SPATA22: variants seen among roughly 807,000 people sequenced by gnomAD.
SPATA22 encodes the protein spermatogenesis associated 22.
A neutral mutation model predicts 47.8 loss-of-function variants in SPATA22; 29 were observed. The ratio of observed to expected loss-of-function variants is 0.61; its 90% CI spans 0.45 to 0.83. The LOEUF (loss-of-function observed/expected upper bound fraction) is 0.83. Ranked by LOEUF, SPATA22 falls within the 40% of genes least tolerant of loss-of-function variation. The pLI is 0.00. For missense variants in SPATA22, 410 were observed against 421.7 expected, an observed-to-expected ratio of 0.97 and a Z score of 0.24; for synonymous variants, 133 against 140.9, an observed-to-expected ratio of 0.94 and a Z score of 0.40.
rs369335235 is a variant in SPATA22, at chr17:3,490,879, G to A, written c.-73-21481C>T. On this transcript the variant is annotated intron_variant, in intron 1 of 8. Transcript: ENST00000541913. The surrounding 1 kb of genome is among the most constrained non-coding windows in gnomAD (Gnocchi z 4.6). ...CCCCACCCCTTAACCCCTTATCTCTGCTTCAACCAGAGCTCTTCTGTGTAA... is the reference window on the plus strand; with the variant it reads ...CCCCACCCCTTAACCCCTTATCTCTACTTCAACCAGAGCTCTTCTGTGTAA... Among the ~76,000 whole-genome samples, 49 of 152,234 alleles carry A rather than the reference G, an allele frequency of 3.2e-4. No homozygotes were observed. In the South Asian group the frequency reaches 9.9e-3, roughly 31 times the overall value.
At chr17:3,466,044 A>T (rs114578342) in intron 3 of SPATA22, among the ~76,000 whole-genome samples, 2,987 of 151,984 alleles carry the variant, frequency 0.02, 76 homozygotes, top group African/African-American at 0.06. Flanking sequence ...ATGTGAATTT[A>T]TGATTTTTAT....
chr17:3,445,745 TA>T, intron 7 of SPATA22, among the ~76,000 whole-genome samples: 1 of 152,244 alleles, frequency 6.6e-6, no homozygotes, highest in South Asian at 2.1e-4. Context: ...AGGTGAAAGT[TA>T]AACATGTGAA....
In SPATA22 at chr17:3,477,483, C is replaced by T. The variant is rs562263818; in HGVS notation, c.-73-8085G>A. Among the ~76,000 whole-genome samples, 36 of 152,116 alleles carry T rather than the reference C, an allele frequency of 2.4e-4. 1 individual carries two copies. In the East Asian group the frequency reaches 2.9e-3, roughly 12 times the overall value. ...TCTTTCTCTTTTTGAGATGGAGTTT[C>T]GCTCTTGTTGCCCAGTCTGGAGTGC... is the stretch of plus-strand genomic sequence containing the variant. On this transcript the variant is annotated intron_variant, in intron 1 of 8. Coordinates refer to the SPATA22 transcript ENST00000541913.
chr17:3,481,600 C>T, intron 1 of SPATA22: 4 of 1,612,468 alleles, frequency 2.5e-6, no homozygotes, highest in Non-Finnish European at 2.5e-6. Flanking sequence ...CTGCTTATAA[C>T]AGCAAAAAAA....
intron 5 of SPATA22, 127 bp downstream of exon 5, chr17:3,462,352 TGTTA>T: frequency 1.6e-6 from 1 of 635,282 alleles, no homozygotes; most frequent in Middle Eastern, 3.8e-4. Context: ...CTGCCATAGT[TGTTA>T]TTTATAGAAA....
chr17:3,486,280 C>T (rs2073720195), intron 1 of SPATA22, among the ~76,000 whole-genome samples: 1 of 152,196 alleles, frequency 6.6e-6, no homozygotes, highest in African/African-American at 2.4e-5. Context: ...GTGCCCTTTG[C>T]TCCAGGGAAG....
intron 1 of SPATA22, among the ~76,000 whole-genome samples, chr17:3,489,881 CA>C (rs1567615000): frequency 6.6e-6 from 1 of 152,134 alleles, no homozygotes; most frequent in Non-Finnish European, 1.5e-5. Context: ...CAAGCACAAG[CA>C]ACATGTTGTT....
At chr17:3,449,194 T>C (rs1047903514) in intron 5 of SPATA22, 45 bp from the exon 6 acceptor site, 1 of 1,357,970 alleles carries the variant, frequency 7.4e-7, no homozygotes, top group Non-Finnish European at 1.0e-6. Flanking sequence ...TATGGTTTCT[T>C]AATTACAAAA....
upstream of SPATA22, chr17:3,472,212 C>T: frequency 6.6e-6 from 1 of 152,416 alleles, no homozygotes; most frequent in East Asian, 1.9e-4. Context: ...ATTTCTGGGT[C>T]GGATCAGGGT....
At chr17:3,506,208 A>C (rs950473172) in intron 1 of SPATA22, among the ~76,000 whole-genome samples, 1 of 152,206 alleles carries the variant, frequency 6.6e-6, no homozygotes, top group Non-Finnish European at 1.5e-5. Flanking sequence ...AACACCTACC[A>C]AGCCGATGAC....
chr17:3,452,697 G>A (rs926931396), intron 5 of SPATA22, among the ~76,000 whole-genome samples: 4 of 152,020 alleles, frequency 2.6e-5, no homozygotes, highest in African/African-American at 9.7e-5. Context: ...ATAAATGAAA[G>A]AGGAGACATA....
chr17:3,493,862 G>A (rs190496198), intron 1 of SPATA22, among the ~76,000 whole-genome samples: 2 of 152,198 alleles, frequency 1.3e-5, no homozygotes, highest in African/African-American at 4.8e-5. Flanking sequence ...GGCCGTCGGC[G>A]TGTTTGTGGA....
chr17:3,482,690 GATT>G (rs1481028894), intron 1 of SPATA22, among the ~76,000 whole-genome samples: 1 of 152,018 alleles, frequency 6.6e-6, no homozygotes, highest in African/African-American at 2.4e-5. Context: ...CTATAGTAAA[GATT>G]ATTATTTTTG....
intron 6 of SPATA22, among the ~76,000 whole-genome samples, chr17:3,446,976 A>C (rs374339955): frequency 4.9e-4 from 74 of 152,268 alleles, no homozygotes; most frequent in African/African-American, 1.8e-3. Context: ...TCATTCATTC[A>C]TTCGTTTCAA....
chr17:3,492,215 A>T (rs921943769), intron 1 of SPATA22, among the ~76,000 whole-genome samples: 4 of 152,214 alleles, frequency 2.6e-5, no homozygotes, highest in African/African-American at 9.6e-5. Context: ...AGCAGCAATG[A>T]AACGGGCCAC....
In SPATA22 at chr17:3,448,815, T is replaced by A; in HGVS notation, c.664A>T (p.Thr222Ser). Residue 222 changes from threonine (T) to serine (S), a missense_variant, in exon 6 of 9, where the codon ACC becomes TCC. Thr to Ser is a moderately conservative substitution (Grantham distance 58, BLOSUM62 1). Transcript: ENST00000572969. ...QMLDDIPEDN[T>S]LKETSLYQLQ... ...TGTATTTAAACATTTACCTTCAGGGTGTTGTCTTCTGGAATATCATCCAAC... is the reference window on the plus strand; with the variant it reads ...TGTATTTAAACATTTACCTTCAGGGAGTTGTCTTCTGGAATATCATCCAAC... 4 of 1,600,156 alleles carry A rather than the reference T, an allele frequency of 2.5e-6. No homozygotes were observed. The highest frequency in any genetic ancestry group is 3.4e-6 in the Non-Finnish European group (4 of 1,171,948).
At chr17:3,495,489 C>T (rs1039889690) in intron 1 of SPATA22, among the ~76,000 whole-genome samples, 1 of 152,240 alleles carries the variant, frequency 6.6e-6, no homozygotes, top group Non-Finnish European at 1.5e-5. Context: ...GAAGCAAATC[C>T]TGCTTTGTGG....
intron 1 of SPATA22, chr17:3,498,780 C>G (rs2073951187): frequency 1.9e-6 from 2 of 1,078,252 alleles, no homozygotes; most frequent in Non-Finnish European, 2.5e-6. Context: ...GCTCAAGTAT[C>G]TCTTTTAAAA....
chr17:3,449,025 C>T lies in SPATA22; in HGVS notation c.454G>A (p.Ala152Thr), dbSNP rs747069838. The T allele has an allele frequency of 7.4e-5, 119 of 1,613,832 alleles. No individual in the cohort carries two copies. In the Admixed American group the frequency reaches 2.0e-3, roughly 27 times the overall value. ...ATTCTTAATTGTTTTTGTTGTTGAG[C>T]TCCCGAACTCACTGGACAAGAATTT... ...GKNSCPVSSG[A>T]QQQKQLRIPE... Residue 152 changes from alanine to threonine, a missense_variant, in exon 6 of 9, where the codon GCT (alanine) becomes ACT (threonine). By Grantham distance (58) the Ala-to-Thr change is moderately conservative. Coordinates refer to ENST00000572969, the MANE Select transcript of SPATA22 (RefSeq NM_001170698.2).
Sources: allele counts gnomAD v4.1 joint callset (sites outside exome capture counted in the v4.1 genomes callset), GRCh38; gene constraint gnomAD v4.1.1; non-coding constraint Gnocchi (gnomAD v3.1); transcripts MANE v1.5; gene names NCBI Gene and HGNC (gene_info 2026-07-23, HGNC 2026-07-21).